The following ASXL2 variants were observed in gnomAD, a reference collection of about 807,000 sequenced individuals.
ASXL2 encodes the protein ASXL transcriptional regulator 2.
ASXL2 carries 23 observed loss-of-function variants against 122.0 expected under a neutral mutation model. That is an observed-to-expected ratio of 0.19 (90% CI 0.14 to 0.27). The LOEUF (loss-of-function observed/expected upper bound fraction) is 0.27. ASXL2 is among the 10% of genes least tolerant of loss of function. ASXL2 has a pLI of 1.00. For synonymous variants in ASXL2, 650 were observed against 637.0 expected, an observed-to-expected ratio of 1.02 and a Z score of -0.31; for missense variants, 1,518 against 1,713.8, an observed-to-expected ratio of 0.89 and a Z score of 2.02.
intron 5 of ASXL2, among the ~76,000 whole-genome samples, chr2:25,784,351 A>C (rs1380242503): frequency 6.6e-6 from 1 of 152,224 alleles, no homozygotes; most frequent in Non-Finnish European, 1.5e-5. Flanking sequence ...GAAGATAATT[A>C]AAATGTTAAC....
intron 9 of ASXL2, among the ~76,000 whole-genome samples, chr2:25,757,677 A>C (rs2088160849): frequency 7.7e-6 from 1 of 130,680 alleles, no homozygotes; most frequent in Non-Finnish European, 1.6e-5. Flanking sequence ...TCCATCTCAA[A>C]AAAAAAAAAA....
chr2:25,742,344 G>T lies in ASXL2; in HGVS notation c.3993C>A (p.Ile1331=), dbSNP rs760200576. ...CCATGTCAGATGAGGTGGAGACATT[G>T]ATCATGCCTCTATAGCTTGGCCCTA... ...TQIGPSYRGM[I]NVSTSSDMDH... Residue 1331 remains isoleucine, a synonymous_variant, in exon 13 of 13, where the codon ATC becomes ATA. Coordinates refer to ENST00000435504, the MANE Select transcript of ASXL2 (RefSeq NM_018263.6). The T allele has an allele frequency of 1.6e-5, 26 of 1,580,220 alleles. No homozygotes were observed. Among genetic ancestry groups the T allele is most frequent in the Non-Finnish European group, 2.1e-5 (24 of 1,162,062 alleles).
Position 25,742,853 on chromosome 2 carries a change from C to T in ASXL2, c.3484G>A (p.Gly1162Arg), listed in dbSNP as rs879044390. ...LSSPTEALKMGYTDCKNATGE... is the reference protein window; with the variant it reads ...LSSPTEALKMRYTDCKNATGE... Reference sequence around the variant, plus strand: ...GTTGCATTTTTACAGTCTGTATATCCCATTTTCAAGGCTTCAGTGGGGCTG... The same window carrying T: ...GTTGCATTTTTACAGTCTGTATATCTCATTTTCAAGGCTTCAGTGGGGCTG... Residue 1162 changes from glycine to arginine, a missense_variant, in exon 13 of 13, where the codon GGA becomes AGA. This residue lies in a region of ASXL2 where 831 missense variants were observed against 833.1 expected (regional missense o/e 1.00). Transcript: ENST00000435504. 1.9e-6 allele frequency: 3 copies of T among 1,613,966 alleles called. No homozygotes were observed. The highest frequency in any genetic ancestry group is 2.2e-5 in the South Asian group (2 of 91,072).
intron 5 of ASXL2, among the ~76,000 whole-genome samples, chr2:25,787,434 G>A (rs55737015): frequency 0.32 from 48,641 of 152,032 alleles, 8,305 homozygotes; most frequent in African/African-American, 0.41. Context: ...AAGTATGCTG[G>A]TAGCCATATT....
intron 3 of ASXL2, among the ~76,000 whole-genome samples, chr2:25,807,986 T>TACACACATACACACACACACACAC (rs2089107972): frequency 7.6e-6 from 1 of 131,728 alleles, no homozygotes; most frequent in Non-Finnish European, 1.6e-5. Context: ...AATCAGCTTT[T>TACACACATACACACACACACACAC]ACACACACAC....
intron 1 of ASXL2, among the ~76,000 whole-genome samples, chr2:25,853,126 G>A (rs937680494): frequency 6.6e-6 from 1 of 152,118 alleles, no homozygotes; most frequent in Non-Finnish European, 1.5e-5. Context: ...TTTCACATAC[G>A]GTTTTTGACA....
chr2:25,750,501 T>C (rs548259540), intron 11 of ASXL2, 88 bp from the exon 12 acceptor site: 132 of 1,171,982 alleles, frequency 1.1e-4, no homozygotes, highest in Non-Finnish European at 1.4e-4. Flanking sequence ...AAGATGACAA[T>C]GCCTAGGAGA....
intron 5 of ASXL2, among the ~76,000 whole-genome samples, chr2:25,786,243 C>CTTTTTTTTTTTTT (rs370316025): frequency 0.13 from 14,609 of 110,584 alleles, 2,401 homozygotes; most frequent in East Asian, 0.5. Flanking sequence ...CCACATCATT[C>CTTTTTTTTTTTTT]TTTTTTTTTT....
intron 5 of ASXL2, among the ~76,000 whole-genome samples, chr2:25,795,332 A>G (rs2088896276): frequency 1.3e-5 from 2 of 152,212 alleles, no homozygotes; most frequent in Admixed American, 6.5e-5. Flanking sequence ...ATTCAATTTG[A>G]TATTACCTTA....
intron 1 of ASXL2, among the ~76,000 whole-genome samples, chr2:25,872,639 T>C (rs1397564165): frequency 1.3e-5 from 2 of 152,160 alleles, no homozygotes; most frequent in African/African-American, 4.8e-5. Context: ...TAAGCATTGA[T>C]AAGGGAGAAA....
At chr2:25,869,045 A>T (rs2089933259) in intron 1 of ASXL2, among the ~76,000 whole-genome samples, 1 of 150,874 alleles carries the variant, frequency 6.6e-6, no homozygotes. Context: ...GACGCCTGTA[A>T]TCCCAGCTAC....
At chr2:25,768,396 C>G (rs199677047) in intron 7 of ASXL2, among the ~76,000 whole-genome samples, 1 of 152,078 alleles carries the variant, frequency 6.6e-6, no homozygotes, top group Non-Finnish European at 1.5e-5. Context: ...CTTGACTTCC[C>G]GAGCTCAACC....
At position 25,734,463 on chromosome 2, in the gene ASXL2, C is replaced by G. The variant is rs146271970; in HGVS notation, c.*7566G>C. On this transcript the variant is annotated 3_prime_UTR_variant, in exon 13 of 13. Coordinates refer to ENST00000435504, the MANE Select transcript of ASXL2 (RefSeq NM_018263.6). ...CCAACTCTATTATAATTTCCAAGCT[C>G]TAGGTATCTGAAGACATTAGATTCT... The G allele has an allele frequency of 6.6e-6, 1 of 152,114 alleles. No individual in the cohort carries two copies. Among genetic ancestry groups the G allele is most frequent in the East Asian group, 1.9e-4 (1 of 5,200 alleles). The allele number at this position is 152,114 out of a possible 1,614,324, so 9.4% of individuals were successfully genotyped here.
At chr2:25,817,678 C>T (rs2089254924) in intron 3 of ASXL2, among the ~76,000 whole-genome samples, 1 of 152,206 alleles carries the variant, frequency 6.6e-6, no homozygotes, top group East Asian at 1.9e-4. Flanking sequence ...ATCACTTTGT[C>T]ACAGGGCATG....
intron 8 of ASXL2, among the ~76,000 whole-genome samples, chr2:25,766,148 C>T (rs2088346133): frequency 6.6e-6 from 1 of 152,076 alleles, no homozygotes; most frequent in Non-Finnish European, 1.5e-5. Context: ...GATATCTGTA[C>T]TCCCAATTCT....
At chr2:25,864,645 T>G in intron 1 of ASXL2, among the ~76,000 whole-genome samples, 1 of 151,888 alleles carries the variant, frequency 6.6e-6, no homozygotes, top group African/African-American at 2.4e-5. Context: ...GTCAAAGTAG[T>G]ATATCTCAAA....
chr2:25,868,183 A>T (rs1194004840), intron 1 of ASXL2, among the ~76,000 whole-genome samples: 1 of 152,276 alleles, frequency 6.6e-6, no homozygotes, highest in African/African-American at 2.4e-5. Context: ...ATAGCAAAAC[A>T]TTTAAAATGT....
At chr2:25,845,129 G>A (rs992827918) in intron 2 of ASXL2, among the ~76,000 whole-genome samples, 2 of 152,012 alleles carry the variant, frequency 1.3e-5, no homozygotes, top group African/African-American at 2.4e-5. Context: ...CTACCTCTAG[G>A]ACTCTCCCTG....
intron 12 of ASXL2, among the ~76,000 whole-genome samples, chr2:25,745,821 T>C (rs1319795868): frequency 6.6e-6 from 1 of 151,638 alleles, no homozygotes; most frequent in African/African-American, 2.4e-5. Flanking sequence ...TTTTTTTGTA[T>C]TTTTAGTAAA....
Sources: gnomAD v4.1 joint callset for allele counts (sites outside exome capture counted in the v4.1 genomes callset) on GRCh38, gnomAD v4.1.1 for gene constraint, gnomAD v4.1.1 regional missense constraint, MANE v1.5 for transcripts, NCBI Gene and HGNC (gene_info 2026-07-23, HGNC 2026-07-21) for gene names.